The following TTN variants were observed in gnomAD, a reference collection of about 807,000 sequenced individuals.
TTN encodes the protein titin.
A neutral mutation model predicts 3,223.0 loss-of-function variants in TTN; 1,525 were observed. That is an observed-to-expected ratio of 0.47 (90% CI 0.45 to 0.49). TTN has a LOEUF of 0.49. Ranked by LOEUF, TTN falls within the 20% of genes least tolerant of loss-of-function variation. The pLI is 0.00. For missense variants in TTN, 40,786 were observed against 43,424.0 expected, an observed-to-expected ratio of 0.94 and a Z score of 5.40; for synonymous variants, 14,094 against 15,161.0, an observed-to-expected ratio of 0.93 and a Z score of 5.17.
Position 178,722,951 on chromosome 2 carries a change from G to T in TTN, c.21962-14C>A. On this transcript the variant is annotated splice_polypyrimidine_tract_variant and intron_variant, in intron 75 of 362. Coordinates refer to ENST00000589042, the MANE Select transcript of TTN (RefSeq NM_001267550.2). The stretch of plus-strand genomic sequence containing the variant: ...AATAAGGCGGTTCTAAGGAAGAAAG[G>T]CTCACAGTTAGCAACTGGAATTAAT... 1.2e-6 allele frequency: 2 copies of T among 1,603,176 alleles called. No individual in the cohort carries two copies. The highest frequency in any genetic ancestry group is 1.3e-5 in the African/African-American group (1 of 74,332).
Position 178,601,289 on chromosome 2 carries a change from T to C in TTN, c.55708A>G (p.Arg18570Gly). 1 of 1,576,672 alleles carries C rather than the reference T, an allele frequency of 6.3e-7. No individual in the cohort carries two copies. Among genetic ancestry groups the C allele is most frequent in the Non-Finnish European group, 8.6e-7 (1 of 1,162,932 alleles). Residue 18570 changes from arginine (R) to glycine (G), a missense_variant, in exon 287 of 363, where the codon AGG (arginine) becomes GGG (glycine). Physicochemically the swap from Arg to Gly is moderately radical, Grantham distance 125. Coordinates refer to ENST00000589042, the MANE Select transcript of TTN (RefSeq NM_001267550.2). Reference protein sequence around the residue: ...GIGPPVETIQRTTARDPIYPP... With the variant: ...GIGPPVETIQGTTARDPIYPP... ...CATATCGGATCTCTGGCAGTGGTCC[T>C]CTGAATGGTTTCCACAGGTGGGCCA...
intron 219 of TTN, 34 bp from the exon 220 acceptor site, chr2:178,641,349 GACAA>G (rs1199015539): frequency 1.4e-5 from 17 of 1,200,054 alleles, no homozygotes; most frequent in Non-Finnish European, 1.7e-5. Flanking sequence ...TGTAAACCAA[GACAA>G]ACTAATGAAG....
At chr2:178,657,417 AT>A (rs1341332834) in intron 189 of TTN, 80 bp downstream of exon 189, 23 of 498,762 alleles carry the variant, frequency 4.6e-5, no homozygotes, top group Non-Finnish European at 5.8e-5. Context: ...TATAATAAAA[AT>A]ATATATATAT....
At chr2:178,635,865 CAA>C in intron 226 of TTN, 96 bp downstream of exon 226, 1 of 1,520,640 alleles carries the variant, frequency 6.6e-7, no homozygotes. Context: ...CTCTTAGGTA[CAA>C]GATTTCTGAT....
intron 1 of TTN, 122 bp from the exon 2 acceptor site, chr2:178,804,777 A>G: frequency 2.4e-6 from 2 of 843,784 alleles, no homozygotes; most frequent in Non-Finnish European, 3.8e-6. Context: ...CTGTGGGCCT[A>G]GAGTGATGGG....
chr2:178,776,602 G>A lies in TTN; in HGVS notation c.5262C>T (p.Ile1754=), dbSNP rs1221608405. The A allele has an allele frequency of 6.2e-7, 1 of 1,614,020 alleles. No homozygotes were observed. Residue 1754 remains isoleucine (I), a synonymous_variant, in exon 28 of 363, where the codon ATC becomes ATT. Coordinates refer to ENST00000589042, the MANE Select transcript of TTN (RefSeq NM_001267550.2). ...CAAGGCTGCAGTACCCAAATTCATT[G>A]ATCATACGGAGCCTGTTGGCTGCTT... is the stretch of plus-strand genomic sequence containing the variant. The part of the protein sequence containing the change: ...PLEAANRLRM[I]NEFGYCSLDY...
At chr2:178,637,300 C>A in intron 224 of TTN, 69 bp downstream of exon 224, 1 of 1,166,692 alleles carries the variant, frequency 8.6e-7, no homozygotes, top group Non-Finnish European at 1.1e-6. Context: ...ATTTTTTTCC[C>A]CTTGAATATG....
chr2:178,713,621 G>T, intron 92 of TTN: 1 of 696,750 alleles, frequency 1.4e-6, no homozygotes, highest in Non-Finnish European at 2.3e-6. Context: ...ATTATGTGGT[G>T]AATTATTTCA....
In TTN at chr2:178,686,113, A is replaced by ATTTTTTTTT. The variant is rs765570520; in HGVS notation, c.32312-524_32312-516dup. On this transcript the variant is annotated intron_variant, in intron 127 of 362. Transcript: ENST00000589042. ...TTGAGCCTAAGTGTATACAGTTTTA[A>ATTTTTTTTT]TTTTTTTTTTTTTTTTTTTTTTTTT... is the stretch of plus-strand genomic sequence containing the variant. 9.1e-3 allele frequency among the ~76,000 whole-genome samples: 711 copies of ATTTTTTTTT among 77,790 alleles called. 71 individuals carry two copies. Among genetic ancestry groups the ATTTTTTTTT allele is most frequent in the African/African-American group, 0.029 (435 of 15,084 alleles). The allele number at this position is 77,790 out of a possible 152,430, so 51.0% of individuals were successfully genotyped here.
At position 178,571,168 on chromosome 2, in the gene TTN, G is replaced by A. The variant is rs777883873; in HGVS notation, c.74964C>T (p.Ile24988=). The stretch of plus-strand genomic sequence containing the variant: ...CTTTACTCGGCTTGCCAATGCCCAC[G>A]ATGTTCTCTGCAGAGACTCTAAATT... ...EYEFRVSAEN[I]VGIGKPSKVS... is the part of the protein sequence containing the mutation. Residue 24988 remains isoleucine (I), a synonymous_variant, in exon 326 of 363, where the codon ATC becomes ATT. Transcript: ENST00000589042. 5 of 1,613,390 alleles carry A rather than the reference G, an allele frequency of 3.1e-6. No individual in the cohort carries two copies. The highest frequency in any genetic ancestry group is 2.5e-6 in the Non-Finnish European group (3 of 1,179,616).
rs759152072 is a variant in TTN at position 178,531,429 on chromosome 2, A to G, written c.105186T>C (p.Tyr35062=). ...ATGTTTTCTTAAATGATGAAACAGC[A>G]TACGCCTCTGTTCTTGTCAGCTCAG... ...VFPELTRTEA[Y]AVSSFKKTSE... is the part of the protein sequence containing the mutation. The change falls in exon 358 of 363, where the codon TAT becomes TAC. Residue 35062 remains tyrosine (Y), a synonymous_variant. Transcript: ENST00000589042. The G allele has an allele frequency of 4.3e-6, 7 of 1,613,874 alleles. No individual in the cohort carries two copies. The African/African-American group carries it at 8.0e-5, about 18-fold the overall frequency.
chr2:178,782,650 C>G (rs767388967), intron 18 of TTN, 48 bp from the exon 19 acceptor site: 3 of 1,609,362 alleles, frequency 1.9e-6, no homozygotes, highest in Admixed American at 3.4e-5. Flanking sequence ...TTTAGTGACC[C>G]CTGCTTAGCA....
intron 3 of TTN, 31 bp downstream of exon 3, chr2:178,802,107 G>A (rs753595430): frequency 9.3e-6 from 15 of 1,611,682 alleles, no homozygotes; most frequent in Admixed American, 3.3e-5. Flanking sequence ...CTCTGGGGGA[G>A]CAGAGGATTG....
intron 169 of TTN, 35 bp downstream of exon 169, chr2:178,663,980 T>A: frequency 6.2e-7 from 1 of 1,611,892 alleles, no homozygotes; most frequent in African/African-American, 1.3e-5. Context: ...GCAGAAGAAT[T>A]AGGTCTTCTG....
chr2:178,792,524 A>C (rs1423895192), intron 9 of TTN, among the ~76,000 whole-genome samples: 1 of 152,234 alleles, frequency 6.6e-6, no homozygotes, highest in African/African-American at 2.4e-5. Context: ...CTGTCATCTA[A>C]AGGTAATCTT....
In TTN at chr2:178,679,338, C is replaced by T; in HGVS notation, c.33742+1G>A. 6.2e-7 allele frequency: 1 copy of T among 1,612,422 alleles called. No individual in the cohort carries two copies. Among genetic ancestry groups the T allele is most frequent in the South Asian group, 1.1e-5 (1 of 91,014 alleles). ...TCCACTGATGGATTATAAGGATGTA[C>T]CTTTTGCTGGCGGAGGCTTCTCCTT... On this transcript the variant is annotated splice_donor_variant, in intron 142 of 362. Transcript: ENST00000589042. LOFTEE classifies it high-confidence loss of function.
In TTN at chr2:178,576,317, A is replaced by C. The variant is rs758398301; in HGVS notation, c.69815T>G (p.Ile23272Ser). The change falls in exon 326 of 363, where the codon ATC becomes AGC. Residue 23272 changes from isoleucine (I) to serine (S), a missense_variant. Transcript: ENST00000589042. This position sits in a 1 kb window ranked among gnomAD's most constrained non-coding sequence, Gnocchi z 4.3. Reference sequence around the variant, plus strand: ...TTGATGCTCCACGACATAGCCAGTGATTTCAAGTCCACCATCATAATGAGG... The same window carrying C: ...TTGATGCTCCACGACATAGCCAGTGCTTTCAAGTCCACCATCATAATGAGG... ...GKPHYDGGLE[I>S]TGYVVEHQKV... 15 of 1,572,456 alleles carry C rather than the reference A, an allele frequency of 9.5e-6. No homozygotes were observed. The highest frequency in any genetic ancestry group is 1.7e-4 in the Middle Eastern group (1 of 5,822).
Position 178,774,002 on chromosome 2 carries a change from A to T in TTN, c.7166T>A (p.Met2389Lys), listed in dbSNP as rs748735241. The T allele has an allele frequency of 3.7e-6, 6 of 1,613,988 alleles. No individual in the cohort carries two copies. Among genetic ancestry groups the T allele is most frequent in the Non-Finnish European group, 5.1e-6 (6 of 1,179,998 alleles). ...VSLESVEGVWMKDGQEVQPSD... is the reference protein window; with the variant it reads ...VSLESVEGVWKKDGQEVQPSD... ...GGGCTGCACTTCTTGGCCGTCTTTC[A>T]TCCAGACGCCTTCCACACTTTCCAA... The change falls in exon 31 of 363, where the codon ATG becomes AAG. Residue 2389 changes from methionine to lysine, a missense_variant. By Grantham distance (95) the Met-to-Lys change is moderately conservative. Coordinates refer to ENST00000589042, the MANE Select transcript of TTN (RefSeq NM_001267550.2).
chr2:178,718,070 C>T lies in TTN; in HGVS notation c.24936G>A (p.Met8312Ile). ...AGGAAGCAACGTTATTTTTGAATTG[C>T]ATTTTATATGCAGGAGCTGATCGTA... ...TKLRSAPAYK[M>I]QFKNNVASLV... Residue 8312 changes from methionine (M) to isoleucine (I), a missense_variant, in exon 86 of 363, where the codon ATG (methionine) becomes ATA (isoleucine). Coordinates refer to ENST00000589042, the MANE Select transcript of TTN (RefSeq NM_001267550.2). 1 of 1,613,660 alleles carries T rather than the reference C, an allele frequency of 6.2e-7. No individual in the cohort carries two copies. The highest frequency in any genetic ancestry group is 8.5e-7 in the Non-Finnish European group (1 of 1,179,706).
Sources: gnomAD v4.1 joint callset for allele counts (sites outside exome capture counted in the v4.1 genomes callset) on GRCh38, gnomAD v4.1.1 for gene constraint, Gnocchi (gnomAD v3.1) non-coding constraint, MANE v1.5 for transcripts, NCBI Gene and HGNC (gene_info 2026-07-23, HGNC 2026-07-21) for gene names.